Variants in SUSD5 observed in about 807,000 individuals in gnomAD.
The protein encoded by SUSD5 is sushi domain-containing protein 5.
SUSD5 carries 33 observed loss-of-function variants against 29.5 expected under a neutral mutation model. That is an observed-to-expected ratio of 1.12 (90% CI 0.85 to 1.49). The LOEUF is 1.49. Among genes scored for constraint, SUSD5 ranks in the 40% most tolerant of loss-of-function variants. The pLI, the probability that SUSD5 is intolerant of heterozygous loss-of-function variation, is 0.00. For missense variants in SUSD5, 776 were observed against 800.6 expected (o/e 0.97, Z 0.37); for synonymous variants, 308 against 325.3 (o/e 0.95, Z 0.57).
At chr3:33,178,279 G>A (rs1431699448) in intron 3 of SUSD5, among the ~76,000 whole-genome samples, 1 of 152,130 alleles carries the variant, frequency 6.6e-6, no homozygotes, top group East Asian at 1.9e-4. Context: ...CTCTTGATGT[G>A]ATGGACCATA....
chr3:33,205,764 G>T (rs1401259066), intron 3 of SUSD5, among the ~76,000 whole-genome samples: 1 of 152,138 alleles, frequency 6.6e-6, no homozygotes, highest in Non-Finnish European at 1.5e-5. Context: ...TAGAAGCAAG[G>T]GTACCTAGCT....
chr3:33,203,025 T>C (rs2032148923), intron 3 of SUSD5, among the ~76,000 whole-genome samples: 2 of 152,302 alleles, frequency 1.3e-5, no homozygotes, highest in South Asian at 2.1e-4. Context: ...TTTGGAGGAA[T>C]ACTGCACGGA....
chr3:33,153,190 G>A lies in SUSD5; in HGVS notation c.1442C>T (p.Ser481Phe), dbSNP rs748140243. 4.3e-6 allele frequency: 7 copies of A among 1,613,824 alleles called. No individual in the cohort carries two copies. In the South Asian group the frequency reaches 6.6e-5, roughly 15 times the overall value. The change falls in exon 5 of 5, where the codon TCT becomes TTT. Residue 481 changes from serine to phenylalanine, a missense_variant. By Grantham distance (155) the Ser-to-Phe change is radical. Transcript: ENST00000309558. The part of the protein sequence containing the change: ...TLPWRFITEE[S>F]PMATLSYELT... Reference sequence around the variant, plus strand: ...CTCATAGGACAGGGTGGCCATGGGAGATTCCTCTGTGATGAATCTCCAGGG... The same window carrying A: ...CTCATAGGACAGGGTGGCCATGGGAAATTCCTCTGTGATGAATCTCCAGGG...
chr3:33,165,491 G>T (rs1322665963), intron 4 of SUSD5, among the ~76,000 whole-genome samples: 6 of 152,068 alleles, frequency 3.9e-5, no homozygotes, highest in Admixed American at 2.0e-4. Context: ...TTTGATTTTT[G>T]AAATGTTCTG....
chr3:33,197,624 C>A (rs1037046379), intron 3 of SUSD5, among the ~76,000 whole-genome samples: 3 of 151,996 alleles, frequency 2.0e-5, no homozygotes, highest in African/African-American at 7.3e-5. Context: ...CCCTAGACAC[C>A]CTCCCCTACT....
chr3:33,153,414 T>C lies in SUSD5; in HGVS notation c.1218A>G (p.Leu406=), dbSNP rs1251809461. ...DGSVGLDENV[L]VTPDQPILVE... Reference sequence around the variant, plus strand: ...CAAGAATGGGCTGATCAGGAGTAACTAGGACGTTTTCATCCAGCCCTACTG... The same window carrying C: ...CAAGAATGGGCTGATCAGGAGTAACCAGGACGTTTTCATCCAGCCCTACTG... The change falls in exon 5 of 5, where the codon CTA becomes CTG. Residue 406 remains leucine, a synonymous_variant. Coordinates refer to ENST00000309558, the MANE Select transcript of SUSD5 (RefSeq NM_015551.2). The C allele has an allele frequency of 1.9e-6, 3 of 1,613,750 alleles. No individual in the cohort carries two copies. The highest frequency in any genetic ancestry group is 2.7e-5 in the African/African-American group (2 of 74,890).
chr3:33,196,333 G>A (rs2031995260), intron 3 of SUSD5, among the ~76,000 whole-genome samples: 1 of 152,226 alleles, frequency 6.6e-6, no homozygotes, highest in Admixed American at 6.5e-5. Flanking sequence ...CTTGGTTCAA[G>A]GTGAGAAGAA....
chr3:33,180,643 A>T (rs148940484), intron 3 of SUSD5, among the ~76,000 whole-genome samples: 12 of 152,232 alleles, frequency 7.9e-5, no homozygotes, highest in African/African-American at 2.9e-4. Context: ...CCTGGCCAAC[A>T]TGGTGAAACC....
intron 3 of SUSD5, among the ~76,000 whole-genome samples, chr3:33,192,389 G>A (rs994901273): frequency 5.3e-5 from 8 of 150,764 alleles, no homozygotes; most frequent in East Asian, 4.0e-4. Flanking sequence ...CACCCCGCCC[G>A]GCCTAATGCA....
chr3:33,208,415 A>C (rs979873678), intron 2 of SUSD5, among the ~76,000 whole-genome samples: 1 of 152,068 alleles, frequency 6.6e-6, no homozygotes, highest in Non-Finnish European at 1.5e-5. Context: ...TTTTTCCCAT[A>C]ATTTATTTAA....
At chr3:33,183,227 T>C (rs751224899) in intron 3 of SUSD5, among the ~76,000 whole-genome samples, 2 of 152,198 alleles carry the variant, frequency 1.3e-5, no homozygotes, top group Non-Finnish European at 2.9e-5. Flanking sequence ...ACCATTGATG[T>C]CTAAAGTGAT....
In SUSD5 at chr3:33,204,591, G is replaced by A. The variant is rs977244798; in HGVS notation, c.409+3217C>T. Among the ~76,000 whole-genome samples the A allele has an allele frequency of 1.5e-4, 23 of 151,980 alleles. No individual in the cohort carries two copies. Among genetic ancestry groups the A allele is most frequent in the African/African-American group, 4.1e-4 (17 of 41,422 alleles). On this transcript the variant is annotated intron_variant, in intron 3 of 4. Transcript: ENST00000309558. This position sits in a 1 kb window ranked among gnomAD's most constrained non-coding sequence, Gnocchi z 4.5. ...CCACCTCGGCCTCCCAAAGTGCTGG[G>A]ATTACAGGCTTGAGCCACCACACCC...
At chr3:33,195,657 T>C (rs2031980675) in intron 3 of SUSD5, among the ~76,000 whole-genome samples, 1 of 151,890 alleles carries the variant, frequency 6.6e-6, no homozygotes, top group Non-Finnish European at 1.5e-5. Context: ...GTTTAATTTA[T>C]AGTACATTCA....
At chr3:33,170,473 G>A (rs907548906) in intron 4 of SUSD5, among the ~76,000 whole-genome samples, 7 of 152,176 alleles carry the variant, frequency 4.6e-5, no homozygotes, top group African/African-American at 1.2e-4. Context: ...TTCAGTGAAC[G>A]GTCAAGACAG....
chr3:33,203,510 G>A (rs541124998), intron 3 of SUSD5, among the ~76,000 whole-genome samples: 28 of 152,304 alleles, frequency 1.8e-4, no homozygotes, highest in Admixed American at 3.3e-4. Context: ...TGGGACGCAG[G>A]GCCCTCGAGC....
Position 33,152,839 on chromosome 3 carries a change from T to C in SUSD5, c.1793A>G (p.Tyr598Cys), listed in dbSNP as rs2030936961. The C allele has an allele frequency of 6.2e-7, 1 of 1,613,970 alleles. No homozygotes were observed. Among genetic ancestry groups the C allele is most frequent in the East Asian group, 2.2e-5 (1 of 44,874 alleles). ...AGAGCTCTTGTGCTGGCACTTGCGG[T>C]AGCCCCACACCATCCCCACACCTGC... ...LLAGVGMVWG[Y>C]RKCQHKSSVY... The change falls in exon 5 of 5, where the codon TAC becomes TGC. Residue 598 changes from tyrosine (Y) to cysteine (C), a missense_variant. By Grantham distance (194) the Tyr-to-Cys change is radical. Coordinates refer to ENST00000309558, the MANE Select transcript of SUSD5 (RefSeq NM_015551.2).
intron 3 of SUSD5, among the ~76,000 whole-genome samples, chr3:33,187,604 C>G (rs1384804046): frequency 6.6e-6 from 1 of 151,864 alleles, no homozygotes; most frequent in Non-Finnish European, 1.5e-5. Context: ...ATACCTGGAC[C>G]TTCTTCTCCT....
At chr3:33,182,819 CTCTGT>C (rs1559450655) in intron 3 of SUSD5, among the ~76,000 whole-genome samples, 1 of 152,136 alleles carries the variant, frequency 6.6e-6, no homozygotes, top group Non-Finnish European at 1.5e-5. Context: ...CGGAGTCTTG[CTCTGT>C]CACCCAAGCT....
chr3:33,207,814 C>T lies in SUSD5; in HGVS notation c.403G>A (p.Asp135Asn). 6.2e-7 allele frequency: 1 copy of T among 1,610,558 alleles called. No individual in the cohort carries two copies. The highest frequency in any genetic ancestry group is 1.1e-5 in the South Asian group (1 of 90,908). Residue 135 changes from aspartate to asparagine, a missense_variant, in exon 3 of 5, where the codon GAT (aspartate) becomes AAT (asparagine). Transcript: ENST00000309558. ...AGAAGACTCTGGCACTGACCTTCAT[C>T]CTTAATACAAAGGGCACTGTATGTG... is the stretch of plus-strand genomic sequence containing the variant. ...GGTYSALCIKDEEKPCGDPPS... is the reference protein window; with the variant it reads ...GGTYSALCIKNEEKPCGDPPS...
Sources: gnomAD v4.1 joint callset for allele counts (sites outside exome capture counted in the v4.1 genomes callset) on GRCh38, gnomAD v4.1.1 for gene constraint, Gnocchi (gnomAD v3.1) non-coding constraint, MANE v1.5 for transcripts, NCBI Gene and HGNC (gene_info 2026-07-23, HGNC 2026-07-21) for gene names.